The following SUCO variants were observed in gnomAD, a reference collection of about 807,000 sequenced individuals.
SUCO encodes the protein SUN domain containing ossification factor, also known as SUN domain-containing ossification factor.
In SUCO, 57 loss-of-function variants were observed where a neutral mutation model predicts 148.1. That is an observed-to-expected ratio of 0.38 (90% CI 0.31 to 0.48). SUCO has a LOEUF of 0.48. SUCO is among the 20% of genes least tolerant of loss of function. SUCO has a pLI of 0.96. For synonymous variants in SUCO, 470 were observed against 502.7 expected (o/e 0.93, Z 0.87); for missense variants, 1,331 against 1,468.2 (o/e 0.91, Z 1.53).
chr1:172,588,850 G>A lies in SUCO; in HGVS notation c.1749G>A (p.Glu583=). 1 of 1,612,600 alleles carries A rather than the reference G, an allele frequency of 6.2e-7. No individual in the cohort carries two copies. The highest frequency in any genetic ancestry group is 1.1e-5 in the South Asian group (1 of 90,874). The change falls in exon 18 of 24, where the codon GAG becomes GAA. Residue 583 remains glutamate, a synonymous_variant. Coordinates refer to ENST00000263688, the MANE Select transcript of SUCO (RefSeq NM_014283.5). ...KESPIVQLVQ[E]EEEEASPSTV... ...GTCCCATTGTACAGTTAGTTCAAGA[G>A]GAGGAAGAGGAGGCAAGTCCATCTA...
At chr1:172,599,975 A>G in intron 19 of SUCO, 89 bp from the exon 20 acceptor site, 1 of 877,846 alleles carries the variant, frequency 1.1e-6, no homozygotes, top group Non-Finnish European at 1.7e-6. Context: ...GGAATAACTT[A>G]ATGGTTTTTT....
chr1:172,593,016 A>G (rs184753025), intron 19 of SUCO, among the ~76,000 whole-genome samples: 1 of 152,076 alleles, frequency 6.6e-6, no homozygotes, highest in Non-Finnish European at 1.5e-5. Context: ...ATTCCTAGGT[A>G]TTTTATTCTC....
intron 6 of SUCO, among the ~76,000 whole-genome samples, chr1:172,561,463 C>G (rs1410422487): frequency 2.0e-5 from 3 of 152,044 alleles, no homozygotes; most frequent in African/African-American, 7.3e-5. Flanking sequence ...AGGTGGTGCC[C>G]TGATGCTATA....
Position 172,600,298 on chromosome 1 carries a change from C to CA in SUCO, c.3018+135dup, listed in dbSNP as rs763405575. On this transcript the variant is annotated intron_variant, in intron 20 of 23. Transcript: ENST00000263688. ...AATTGTCATTTGTAGTGAACTTTTT[C>CA]AAAAACCAGAATATGGCATTTTTAA... The CA allele has an allele frequency of 1.2e-5, 8 of 655,940 alleles. No homozygotes were observed. The African/African-American group carries it at 1.4e-4, about 11-fold the overall frequency. The allele number at this position is 655,940 out of a possible 1,614,324, so 40.6% of individuals were successfully genotyped here.
At chr1:172,543,489 A>G (rs991872609) in intron 1 of SUCO, among the ~76,000 whole-genome samples, 2 of 152,176 alleles carry the variant, frequency 1.3e-5, no homozygotes, top group East Asian at 1.9e-4. Context: ...CTGAATTTCT[A>G]ATGGTAGGTT....
chr1:172,606,932 C>T (rs952778362), intron 22 of SUCO, among the ~76,000 whole-genome samples: 2 of 151,762 alleles, frequency 1.3e-5, no homozygotes, highest in Non-Finnish European at 3.0e-5. Context: ...GATGTGTTTC[C>T]AGGCCAGCAG....
At chr1:172,601,750 A>G (rs1312570707) in intron 20 of SUCO, among the ~76,000 whole-genome samples, 1 of 152,188 alleles carries the variant, frequency 6.6e-6, no homozygotes, top group African/African-American at 2.4e-5. Flanking sequence ...AGGAGGAGAT[A>G]GTGTAAATGG....
In SUCO at chr1:172,553,401, A is replaced by T. The variant is rs368346363; in HGVS notation, c.288+31A>T. 65 of 1,462,244 alleles carry T rather than the reference A, an allele frequency of 4.4e-5. No individual in the cohort carries two copies. The Middle Eastern group carries it at 6.0e-4, about 14-fold the overall frequency. The allele number at this position is 1,462,244 out of a possible 1,614,324, so 90.6% of individuals were successfully genotyped here. A position where few individuals can be genotyped will look rare whatever the true frequency, so the allele number is the denominator to read the frequency against. Reference sequence around the variant, plus strand: ...CTATGTCGCTTTGATTTTCAATAATATGTCATTTCAAACTACTTTACAAGA... The same window carrying T: ...CTATGTCGCTTTGATTTTCAATAATTTGTCATTTCAAACTACTTTACAAGA... On this transcript the variant is annotated intron_variant, in intron 3 of 23. Coordinates refer to ENST00000263688, the MANE Select transcript of SUCO (RefSeq NM_014283.5).
chr1:172,567,118 C>G (rs1169891050), intron 6 of SUCO, among the ~76,000 whole-genome samples: 1 of 152,158 alleles, frequency 6.6e-6, no homozygotes, highest in Non-Finnish European at 1.5e-5. Context: ...GGAAATGGCT[C>G]TACTTCCTTT....
chr1:172,556,085 C>T, intron 4 of SUCO, 62 bp downstream of exon 4: 1 of 1,377,326 alleles, frequency 7.3e-7, no homozygotes, highest in Middle Eastern at 1.8e-4. Context: ...AGAAAAATTT[C>T]CTTAAAAGAT....
At chr1:172,549,549 G>A (rs1653119564) in intron 1 of SUCO, among the ~76,000 whole-genome samples, 1 of 151,870 alleles carries the variant, frequency 6.6e-6, no homozygotes, top group South Asian at 2.1e-4. Context: ...TTTTTAAAAG[G>A]TATTTTTTTC....
At chr1:172,595,434 CT>C (rs1220736896) in intron 19 of SUCO, among the ~76,000 whole-genome samples, 2 of 152,182 alleles carry the variant, frequency 1.3e-5, no homozygotes, top group Non-Finnish European at 2.9e-5. Context: ...TTCCTTTCCA[CT>C]TTTCGTGCTT....
chr1:172,532,367 C>G (rs1022382949), upstream of SUCO: 1 of 868,250 alleles, frequency 1.2e-6, no homozygotes, highest in African/African-American at 1.7e-5. Flanking sequence ...TCGAAACCAA[C>G]AGAACGAAAA....
intron 9 of SUCO, among the ~76,000 whole-genome samples, chr1:172,570,967 A>G (rs1654920033): frequency 6.6e-6 from 1 of 152,216 alleles, no homozygotes; most frequent in South Asian, 2.1e-4. Context: ...AGTACTGTTG[A>G]AAGGGTGTTA....
rs750216539 is a variant in SUCO at position 172,556,004 on chromosome 1, A to C, written c.424A>C (p.Thr142Pro). The C allele has an allele frequency of 4.3e-6, 7 of 1,612,354 alleles. No individual in the cohort carries two copies. The East Asian group carries it at 1.3e-4, about 31-fold the overall frequency. ...NISSSSTSEI[T>P]PISKLDEIEK... ...TTCCAGCTCATCTACCTCAGAAATC[A>C]CTCCAATCTCAAAGCTTGAGTAAGT... Residue 142 changes from threonine to proline, a missense_variant, in exon 4 of 24, where the codon ACT (threonine) becomes CCT (proline). Physicochemically the swap from Thr to Pro is conservative, Grantham distance 38. Transcript: ENST00000263688.
In SUCO at chr1:172,579,273, T is replaced by A. The variant is rs770422229; in HGVS notation, c.1498+6T>A. ...TCTTCTTGGTTCTGCTACAAGTGAG[T>A]ATTTTGAGGATTTTCTATTCATTCT... On this transcript the variant is annotated splice_donor_region_variant and intron_variant, in intron 15 of 23. Transcript: ENST00000263688. 6.4e-7 allele frequency: 1 copy of A among 1,564,100 alleles called. No homozygotes were observed. Among genetic ancestry groups the A allele is most frequent in the South Asian group, 1.1e-5 (1 of 89,292 alleles).
chr1:172,536,665 C>G (rs1652043111), intron 1 of SUCO, among the ~76,000 whole-genome samples: 1 of 152,066 alleles, frequency 6.6e-6, no homozygotes, highest in African/African-American at 2.4e-5. Flanking sequence ...GTGGCTTGAA[C>G]AACACACATT....
intron 19 of SUCO, among the ~76,000 whole-genome samples, chr1:172,591,426 C>A (rs1467968401): frequency 1.2e-4 from 13 of 108,640 alleles, no homozygotes; most frequent in African/African-American, 3.4e-4. Flanking sequence ...CTATCCCTCC[C>A]CCCTCCCCCC....
chr1:172,570,642 C>A, intron 8 of SUCO, 21 bp from the exon 9 acceptor site: 2 of 1,476,292 alleles, frequency 1.4e-6, no homozygotes, highest in Admixed American at 1.8e-5. Flanking sequence ...TAATTTGTTT[C>A]CTTTCCTCTT....
Sources: gnomAD v4.1 joint callset for allele counts (sites outside exome capture counted in the v4.1 genomes callset) on GRCh38, gnomAD v4.1.1 for gene constraint, MANE v1.5 for transcripts, NCBI Gene and HGNC (gene_info 2026-07-23, HGNC 2026-07-21) for gene names.